The following ANKS1A variants were observed in gnomAD, a reference collection of about 807,000 sequenced individuals.
The protein encoded by ANKS1A is ankyrin repeat and sterile alpha motif domain containing 1A, also known as ankyrin repeat and SAM domain-containing protein 1A.
A neutral mutation model predicts 120.3 loss-of-function variants in ANKS1A; 55 were observed. The observed-to-expected ratio is 0.46, with a 90% CI of 0.37 to 0.57. The LOEUF (loss-of-function observed/expected upper bound fraction) is 0.57, where lower values mean the gene tolerates loss of function less well. Among genes scored for constraint, ANKS1A ranks in the 20% least tolerant of loss-of-function variants. The probability of loss-of-function intolerance (pLI) is 0.00; values close to 1 mark genes in which losing one functional copy is unlikely to be tolerated. For missense variants in ANKS1A, 1,123 were observed against 1,480.3 expected (o/e 0.76, Z 3.96); for synonymous variants, 590 against 604.7 (o/e 0.98, Z 0.36).
intron 1 of ANKS1A, among the ~76,000 whole-genome samples, chr6:34,934,796 C>T (rs912339825): frequency 2.0e-5 from 3 of 152,322 alleles, no homozygotes; most frequent in Admixed American, 2.0e-4. Flanking sequence ...CTAAAACAAT[C>T]TAGTCTTATT....
At chr6:35,036,760 T>G (rs1311659485) in intron 11 of ANKS1A, among the ~76,000 whole-genome samples, 4 of 152,214 alleles carry the variant, frequency 2.6e-5, no homozygotes, top group Admixed American at 2.6e-4. Flanking sequence ...GTTCCTTCTT[T>G]CTCTCATATG....
chr6:34,909,714 A>G (rs556316647), intron 1 of ANKS1A, among the ~76,000 whole-genome samples: 15 of 152,302 alleles, frequency 9.8e-5, no homozygotes, highest in African/African-American at 3.6e-4. Context: ...AAACAGAGGG[A>G]TGCTGGAGCA....
intron 1 of ANKS1A, among the ~76,000 whole-genome samples, chr6:34,929,275 T>G (rs189853635): frequency 7.2e-5 from 11 of 152,328 alleles, no homozygotes; most frequent in Non-Finnish European, 1.5e-4. Context: ...TTTGGTTACA[T>G]TTTATGTACT....
chr6:34,914,394 G>A (rs777781708), intron 1 of ANKS1A, among the ~76,000 whole-genome samples: 13 of 152,172 alleles, frequency 8.5e-5, no homozygotes, highest in Admixed American at 2.6e-4. Flanking sequence ...CTCATTGTTT[G>A]CCCAATAAAA....
At chr6:35,080,844 C>CT in intron 16 of ANKS1A, 150 bp from the exon 17 acceptor site, 1 of 904,924 alleles carries the variant, frequency 1.1e-6, no homozygotes, top group Non-Finnish European at 1.6e-6. Flanking sequence ...TGCCACCTGT[C>CT]TGACACCCCT....
intron 13 of ANKS1A, among the ~76,000 whole-genome samples, chr6:35,062,074 C>T (rs1479824164): frequency 2.0e-5 from 3 of 152,268 alleles, no homozygotes; most frequent in African/African-American, 7.2e-5. Flanking sequence ...CAGAGAGCAG[C>T]TGAGCAGGCC....
rs1233345399 is a variant in ANKS1A, at chr6:35,084,384, C to G, written c.3132+126C>G. 1 of 1,340,520 alleles carries G rather than the reference C, an allele frequency of 7.5e-7. No homozygotes were observed. Among genetic ancestry groups the G allele is most frequent in the East Asian group, 2.5e-5 (1 of 40,576 alleles). The allele number at this position is 1,340,520 out of a possible 1,614,324, so 83.0% of individuals were successfully genotyped here. Reference sequence around the variant, plus strand: ...GCCAGTGCCTGGCAAATGTTTGGTTCATGAATGGAGCCCAGCAGCACTCAG... The same window carrying G: ...GCCAGTGCCTGGCAAATGTTTGGTTGATGAATGGAGCCCAGCAGCACTCAG... On this transcript the variant is annotated intron_variant, in intron 21 of 23. Transcript: ENST00000360359. The surrounding 1 kb of genome is among the most constrained non-coding windows in gnomAD (Gnocchi z 4.8).
At chr6:34,972,109 C>A (rs1192191740) in intron 3 of ANKS1A, among the ~76,000 whole-genome samples, 1 of 152,202 alleles carries the variant, frequency 6.6e-6, no homozygotes, top group Non-Finnish European at 1.5e-5. Flanking sequence ...AAGAAATTTT[C>A]AGCAACCATT....
intron 1 of ANKS1A, among the ~76,000 whole-genome samples, chr6:34,921,847 C>T (rs937623499): frequency 2.0e-5 from 3 of 152,082 alleles, no homozygotes; most frequent in African/African-American, 4.8e-5. Flanking sequence ...AGGTGCACAC[C>T]GCCATGCCCA....
downstream of ANKS1A, among the ~76,000 whole-genome samples, chr6:35,092,434 C>T (rs1778336729): frequency 1.3e-5 from 2 of 152,192 alleles, no homozygotes; most frequent in South Asian, 4.1e-4. Context: ...TGATTCTCTC[C>T]TAGCCAGCCT....
At position 35,054,101 on chromosome 6, in the gene ANKS1A, T is replaced by A. The variant is rs199953691; in HGVS notation, c.2013T>A (p.Ile671=). ...CTTTGTTCTTTCTTCCATTTCAGAT[T>A]GAGAAAATCATGAGTTCTATTGGAG... ...SPSFASEWDE[I]EKIMSSIGEG... The change falls in exon 12 of 24, where the codon ATT becomes ATA. Residue 671 remains isoleucine, a splice_region_variant and synonymous_variant. Coordinates refer to ENST00000360359, the MANE Select transcript of ANKS1A (RefSeq NM_015245.3). 2 of 1,613,742 alleles carry A rather than the reference T, an allele frequency of 1.2e-6. No individual in the cohort carries two copies. The highest frequency in any genetic ancestry group is 3.3e-5 in the Admixed American group (2 of 60,032).
At chr6:35,023,388 A>G (rs1255964112) in intron 11 of ANKS1A, 1 of 184,438 alleles carries the variant, frequency 5.4e-6, no homozygotes, top group Non-Finnish European at 1.1e-5. Context: ...AGCAGTAAAC[A>G]TGACTCTAGC....
In ANKS1A at chr6:35,057,044, T is replaced by G. The variant is rs186846386; in HGVS notation, c.2077+2879T>G. Among the ~76,000 whole-genome samples, 42 of 152,002 alleles carry G rather than the reference T, an allele frequency of 2.8e-4. No homozygotes were observed. In the East Asian group the frequency reaches 8.2e-3, roughly 30 times the overall value. On this transcript the variant is annotated intron_variant, in intron 12 of 23. Coordinates refer to ENST00000360359, the MANE Select transcript of ANKS1A (RefSeq NM_015245.3). The surrounding 1 kb of genome is among the most constrained non-coding windows in gnomAD (Gnocchi z 4.1). ...ATCTGGGCTCTGGGGTTAGTCTGGG[T>G]AGAGGAGGAGCAGGCCCTCCAGCAG...
intron 13 of ANKS1A, among the ~76,000 whole-genome samples, 162 bp from the exon 14 acceptor site, chr6:35,078,396 C>G (rs1484371002): frequency 6.6e-6 from 1 of 152,272 alleles, no homozygotes; most frequent in East Asian, 1.9e-4. Flanking sequence ...TGGGAGCCGC[C>G]CGGATGGACG....
At chr6:35,039,443 C>T (rs1775347720) in intron 11 of ANKS1A, 1 of 381,388 alleles carries the variant, frequency 2.6e-6, no homozygotes, top group South Asian at 1.9e-5. Flanking sequence ...GTGATCCGCC[C>T]ACCTCAGCCT....
At chr6:35,097,637 G>GAAA in the ANKS1A span, among the ~76,000 whole-genome samples, 16 of 89,728 alleles carry the variant, frequency 1.8e-4, no homozygotes, top group African/African-American at 3.8e-4. Context: ...AAAGCCAAAA[G>GAAA]AAAAAAAAAA....
At chr6:34,905,655 G>A (rs923239230) in intron 1 of ANKS1A, among the ~76,000 whole-genome samples, 8 of 152,224 alleles carry the variant, frequency 5.3e-5, no homozygotes, top group African/African-American at 1.9e-4. Context: ...TGTTTTGCTT[G>A]TGAATAACAT....
chr6:35,082,342 G>T lies in ANKS1A; in HGVS notation c.2710-349G>T, dbSNP rs776021635. On this transcript the variant is annotated intron_variant, in intron 17 of 23. Transcript: ENST00000360359. The surrounding 1 kb of genome is among the most constrained non-coding windows in gnomAD (Gnocchi z 4.1). ...CTCGTGGGCGCTGTTCTCTCCTTTG[G>T]TCTTTGTGCAGAACAGCCTGGCAGC... Among the ~76,000 whole-genome samples, 2 of 152,054 alleles carry T rather than the reference G, an allele frequency of 1.3e-5. No individual in the cohort carries two copies. Among genetic ancestry groups the T allele is most frequent in the Non-Finnish European group, 2.9e-5 (2 of 68,018 alleles).
At chr6:34,928,283 AAG>A (rs546747047) in intron 1 of ANKS1A, among the ~76,000 whole-genome samples, 1 of 152,176 alleles carries the variant, frequency 6.6e-6, no homozygotes, top group African/African-American at 2.4e-5. Flanking sequence ...ACAGTGGAAG[AAG>A]AGAGCAGCCT....
Sources: gnomAD v4.1 joint callset for allele counts (sites outside exome capture counted in the v4.1 genomes callset) on GRCh38, gnomAD v4.1.1 for gene constraint, Gnocchi (gnomAD v3.1) non-coding constraint, MANE v1.5 for transcripts, NCBI Gene and HGNC (gene_info 2026-07-23, HGNC 2026-07-21) for gene names.